The following RSRC1 variants were observed in gnomAD, a reference collection of about 807,000 sequenced individuals.
The protein encoded by RSRC1 is arginine and serine rich coiled-coil 1, also known as serine/Arginine-related protein 53.
RSRC1 carries 39 observed loss-of-function variants against 49.1 expected under a neutral mutation model. The observed-to-expected ratio is 0.79, with a 90% CI of 0.61 to 1.04. RSRC1 has a LOEUF of 1.04. Among genes scored for constraint, RSRC1 ranks in the 50% least tolerant of loss-of-function variants. RSRC1 has a pLI of 0.00. For synonymous variants in RSRC1, 143 were observed against 130.8 expected (o/e 1.09, Z -0.63); for missense variants, 388 against 402.4 (o/e 0.96, Z 0.31).
At chr3:158,416,671 G>T (rs1280221319) in intron 6 of RSRC1, among the ~76,000 whole-genome samples, 1 of 151,936 alleles carries the variant, frequency 6.6e-6, no homozygotes, top group Non-Finnish European at 1.5e-5. Context: ...AGCTTCCCTG[G>T]CCAGCCCCTG....
intron 6 of RSRC1, among the ~76,000 whole-genome samples, chr3:158,416,462 A>G (rs1013175798): frequency 6.6e-6 from 1 of 152,070 alleles, no homozygotes; most frequent in Admixed American, 6.6e-5. Context: ...TAGCCTCTAC[A>G]CTATGAGAAG....
chr3:158,417,292 A>G (rs1274581617), intron 6 of RSRC1, among the ~76,000 whole-genome samples: 1 of 151,832 alleles, frequency 6.6e-6, no homozygotes, highest in African/African-American at 2.4e-5. Flanking sequence ...TCCTTTTCCA[A>G]CTCCTAAAGC....
intron 3 of RSRC1, among the ~76,000 whole-genome samples, chr3:158,195,873 C>T (rs1168167072): frequency 2.0e-5 from 3 of 151,964 alleles, no homozygotes; most frequent in Non-Finnish European, 2.9e-5. Context: ...GTTTTGGTAG[C>T]AGTACCATGC....
intron 4 of RSRC1, among the ~76,000 whole-genome samples, chr3:158,285,935 T>C (rs1289241762): frequency 6.6e-6 from 1 of 152,216 alleles, no homozygotes. Flanking sequence ...CTATGTTGAA[T>C]AGGAGTGGTG....
chr3:158,208,059 G>A (rs557789048), intron 4 of RSRC1, among the ~76,000 whole-genome samples: 28 of 152,178 alleles, frequency 1.8e-4, no homozygotes, highest in South Asian at 4.2e-4. Context: ...GGGACTAAAA[G>A]ATGCCTTTCC....
At position 158,311,365 on chromosome 3, in the gene RSRC1, G is replaced by A. The variant is rs894347081; in HGVS notation, c.531+13290G>A. Among the ~76,000 whole-genome samples the A allele has an allele frequency of 5.3e-5, 8 of 151,808 alleles. No homozygotes were observed. In the South Asian group the frequency reaches 6.2e-4, roughly 12 times the overall value. On this transcript the variant is annotated intron_variant, in intron 5 of 9. Coordinates refer to ENST00000611884, the MANE Select transcript of RSRC1 (RefSeq NM_001271838.2). The stretch of plus-strand genomic sequence containing the variant: ...AATATTTTAAATGCTCCAGAACAGC[G>A]TATTCTTCAAATAAATATTTATTAT...
intron 6 of RSRC1, among the ~76,000 whole-genome samples, chr3:158,440,128 T>TA (rs1489379367): frequency 1.3e-5 from 2 of 152,066 alleles, no homozygotes; most frequent in Non-Finnish European, 2.9e-5. Context: ...GAACTTAAAA[T>TA]AAAATTTTTT....
chr3:158,221,999 T>C (rs1262154370), intron 4 of RSRC1, among the ~76,000 whole-genome samples: 1 of 151,564 alleles, frequency 6.6e-6, no homozygotes, highest in Admixed American at 6.6e-5. Context: ...AGTATTATTA[T>C]ATTACCTAAT....
rs28759674 is a variant in RSRC1, at chr3:158,260,100, A to C, written c.495-37939A>C. Among the ~76,000 whole-genome samples the C allele has an allele frequency of 7.7e-3, 1,157 of 151,228 alleles. 16 individuals are homozygous for C. Among genetic ancestry groups the C allele is most frequent in the African/African-American group, 0.027 (1,100 of 41,156 alleles). The stretch of plus-strand genomic sequence containing the variant: ...GTGTCTGAGTTGGTAGCCAAGCTGC[A>C]AGACAAAGTCCTCTTTACTCCTTTT... On this transcript the variant is annotated intron_variant, in intron 4 of 9. Coordinates refer to ENST00000611884, the MANE Select transcript of RSRC1 (RefSeq NM_001271838.2).
At chr3:158,118,457 G>GTGT (rs1391865141) in intron 1 of RSRC1, among the ~76,000 whole-genome samples, 1 of 138,086 alleles carries the variant, frequency 7.2e-6, no homozygotes, top group Non-Finnish European at 1.5e-5. Flanking sequence ...GTGTGTGTGT[G>GTGT]TGTGTGCGCG....
At chr3:158,155,337 G>T (rs1003038209) in intron 3 of RSRC1, among the ~76,000 whole-genome samples, 2 of 152,194 alleles carry the variant, frequency 1.3e-5, no homozygotes, top group Non-Finnish European at 2.9e-5. Context: ...ACTACAGAAT[G>T]AATGTGGTGT....
At chr3:158,485,927 A>G (rs1738801716) in intron 7 of RSRC1, among the ~76,000 whole-genome samples, 1 of 152,154 alleles carries the variant, frequency 6.6e-6, no homozygotes, top group Non-Finnish European at 1.5e-5. Context: ...AAAGATTCAT[A>G]TAGTATTTAA....
intron 7 of RSRC1, among the ~76,000 whole-genome samples, chr3:158,483,820 T>C (rs913735795): frequency 3.3e-5 from 5 of 152,232 alleles, no homozygotes; most frequent in Middle Eastern, 6.8e-3. Flanking sequence ...ATTGGTATAA[T>C]GTTGATTTGA....
chr3:158,251,579 TG>T (rs1724210831), intron 4 of RSRC1, among the ~76,000 whole-genome samples: 1 of 152,228 alleles, frequency 6.6e-6, no homozygotes, highest in Non-Finnish European at 1.5e-5. Flanking sequence ...TTGTGGCTAT[TG>T]TAAATTGGAT....
intron 5 of RSRC1, among the ~76,000 whole-genome samples, chr3:158,333,016 C>T (rs1256851817): frequency 2.6e-5 from 4 of 150,960 alleles, no homozygotes; most frequent in Admixed American, 6.6e-5. Flanking sequence ...TCGCCCAGGC[C>T]GGACTGCAGT....
At chr3:158,263,222 A>G (rs903557631) in intron 4 of RSRC1, among the ~76,000 whole-genome samples, 2 of 152,052 alleles carry the variant, frequency 1.3e-5, no homozygotes, top group Admixed American at 1.3e-4. Context: ...TGTGCTGAGA[A>G]TTTTTTAAGA....
At chr3:158,159,274 G>A (rs556901620) in intron 3 of RSRC1, among the ~76,000 whole-genome samples, 1 of 152,286 alleles carries the variant, frequency 6.6e-6, no homozygotes, top group South Asian at 2.1e-4. Flanking sequence ...ATGAAAGTAA[G>A]GAGTAGCCAC....
intron 3 of RSRC1, among the ~76,000 whole-genome samples, chr3:158,195,555 A>G (rs1720549968): frequency 6.6e-6 from 1 of 152,096 alleles, no homozygotes; most frequent in African/African-American, 2.4e-5. Flanking sequence ...TTGGTGTTTT[A>G]GACATGAAGT....
chr3:158,373,159 T>C (rs1732170588), intron 6 of RSRC1, among the ~76,000 whole-genome samples: 1 of 151,888 alleles, frequency 6.6e-6, no homozygotes, highest in African/African-American at 2.4e-5. Flanking sequence ...GGAGTTTTTC[T>C]ACATAAACAA....
Sources: gnomAD v4.1 joint callset for allele counts (sites outside exome capture counted in the v4.1 genomes callset) on GRCh38, gnomAD v4.1.1 for gene constraint, MANE v1.5 for transcripts, NCBI Gene and HGNC (gene_info 2026-07-23, HGNC 2026-07-21) for gene names.